INTS7: variants seen among roughly 807,000 people sequenced by gnomAD.
INTS7 encodes the protein integrator complex subunit 7, also known as chromosome 1 open reading frame 73.
Under a neutral mutation model 109.2 loss-of-function variants are expected in INTS7, and 46 were observed. That is an observed-to-expected ratio of 0.42 (90% CI 0.33 to 0.54). The LOEUF is 0.54. INTS7 is among the 20% of genes least tolerant of loss of function. The pLI, the probability that INTS7 is intolerant of heterozygous loss-of-function variation, is 0.07. For missense variants in INTS7, 929 were observed against 1,132.4 expected (o/e 0.82, Z 2.58); for synonymous variants, 412 against 402.9 (o/e 1.02, Z -0.27).
At chr1:211,992,341 T>G (rs1405319803) in intron 7 of INTS7, among the ~76,000 whole-genome samples, 1 of 152,104 alleles carries the variant, frequency 6.6e-6, no homozygotes, top group East Asian at 1.9e-4. Flanking sequence ...TATTAATAAT[T>G]TTAAATAAGA....
At chr1:212,006,790 C>A (rs1665933358) in intron 6 of INTS7, 29 bp from the exon 7 acceptor site, 1 of 1,552,528 alleles carries the variant, frequency 6.4e-7, no homozygotes, top group Non-Finnish European at 8.8e-7. Context: ...ACTCCATAAA[C>A]AATACTGTAA....
Position 211,968,677 on chromosome 1 carries a change from A to T in INTS7, c.1846T>A (p.Phe616Ile), listed in dbSNP as rs779237179. The T allele has an allele frequency of 3.1e-6, 5 of 1,613,312 alleles. No individual in the cohort carries two copies. In the East Asian group the frequency reaches 8.9e-5, roughly 29 times the overall value. The change falls in exon 14 of 20, where the codon TTT (phenylalanine) becomes ATT (isoleucine). Residue 616 changes from phenylalanine to isoleucine, a missense_variant. Around this residue, in one of 2 missense-constraint regions of INTS7, gnomAD observed 787 missense variants for 901.1 expected, o/e 0.87. Coordinates refer to ENST00000366994, the MANE Select transcript of INTS7 (RefSeq NM_015434.4). The part of the protein sequence containing the change: ...AASTPLNPLS[F>I]QCEFVKLRID... ...CTGAGTTTTACAAATTCACACTGAAAGCTTAAAGGATTCAGTGGTGTACTA... is the reference window on the plus strand; with the variant it reads ...CTGAGTTTTACAAATTCACACTGAATGCTTAAAGGATTCAGTGGTGTACTA...
intron 7 of INTS7, among the ~76,000 whole-genome samples, chr1:211,993,525 C>CA (rs557966325): frequency 0.02 from 3,028 of 151,780 alleles, 31 homozygotes; most frequent in African/African-American, 0.026. Context: ...ACTAAAAATA[C>CA]AAAAATTAGC....
Position 212,020,142 on chromosome 1 carries a change from C to T in INTS7, c.351G>A (p.Val117=). ...IFSVIHSNDP[V]ARAITLRMLG... ...TATACCGGAGGGTGATGGCTCTTGC[C>T]ACAGGATCATTACTATGAATCACAG... The change falls in exon 3 of 20, where the codon GTG becomes GTA. Residue 117 remains valine (V), a synonymous_variant. Transcript: ENST00000366994. 1 of 1,604,528 alleles carries T rather than the reference C, an allele frequency of 6.2e-7. No homozygotes were observed. The highest frequency in any genetic ancestry group is 8.5e-7 in the Non-Finnish European group (1 of 1,175,248).
chr1:211,970,920 A>C (rs1458858373), intron 13 of INTS7, among the ~76,000 whole-genome samples: 2 of 152,196 alleles, frequency 1.3e-5, no homozygotes, highest in Non-Finnish European at 2.9e-5. Flanking sequence ...CAATATCTCT[A>C]AACAGGAACA....
At chr1:211,986,949 AAACT>A (rs1371931086) in intron 8 of INTS7, among the ~76,000 whole-genome samples, 2 of 152,332 alleles carry the variant, frequency 1.3e-5, no homozygotes, top group Admixed American at 6.5e-5. Flanking sequence ...TCTTTAATTC[AAACT>A]AACTGACTAC....
At chr1:212,000,867 G>C (rs866918355) in intron 7 of INTS7, among the ~76,000 whole-genome samples, 1 of 152,022 alleles carries the variant, frequency 6.6e-6, no homozygotes, top group African/African-American at 2.4e-5. Flanking sequence ...ATGTGAACTA[G>C]AGAAAGCCTA....
chr1:212,016,612 C>T (rs1180778446), intron 4 of INTS7, among the ~76,000 whole-genome samples: 3 of 152,186 alleles, frequency 2.0e-5, no homozygotes, highest in Non-Finnish European at 4.4e-5. Flanking sequence ...CTTCTGCTAC[C>T]CAATGAAGCC....
At position 212,006,665 on chromosome 1, in the gene INTS7, G is replaced by T; in HGVS notation, c.853C>A (p.His285Asn). Residue 285 changes from histidine (H) to asparagine (N), a missense_variant, in exon 7 of 20, where the codon CAT (histidine) becomes AAT (asparagine). Coordinates refer to ENST00000366994, the MANE Select transcript of INTS7 (RefSeq NM_015434.4). ...DLKLLANKTP[H>N]TWSRENIQAL... is the part of the protein sequence containing the mutation. ...TGAATATTCTCCCTACTCCAAGTAT[G>T]TGGTGTTTTATTAGCAAGTAATTTC... 6.4e-7 allele frequency: 1 copy of T among 1,572,108 alleles called. No homozygotes were observed. The highest frequency in any genetic ancestry group is 8.7e-7 in the Non-Finnish European group (1 of 1,144,594).
chr1:211,988,472 G>A (rs1664999077), intron 7 of INTS7, among the ~76,000 whole-genome samples: 1 of 151,246 alleles, frequency 6.6e-6, no homozygotes, highest in South Asian at 2.1e-4. Context: ...AACTCTTTAG[G>A]GGAGCCTCAG....
At chr1:212,032,522 A>G (rs531382449) in intron 1 of INTS7, among the ~76,000 whole-genome samples, 2 of 150,756 alleles carry the variant, frequency 1.3e-5, no homozygotes, top group East Asian at 3.9e-4. Context: ...TGTTGCCCAG[A>G]CTGGAGTGCA....
chr1:211,976,943 T>A (rs754113565), intron 11 of INTS7, among the ~76,000 whole-genome samples: 1 of 152,132 alleles, frequency 6.6e-6, no homozygotes, highest in Non-Finnish European at 1.5e-5. Flanking sequence ...ACCCATAATA[T>A]GAATAAATTA....
chr1:212,014,713 T>A lies in INTS7; in HGVS notation c.509+2173A>T, dbSNP rs535008854. On this transcript the variant is annotated intron_variant, in intron 4 of 19. Transcript: ENST00000366994. ...GGTGCGCCGCCACGCCTGACTGGTT[T>A]TTGTATTTTTTGGTGGAGACGGGGT... 3.0e-5 allele frequency among the ~76,000 whole-genome samples: 4 copies of A among 132,028 alleles called. No individual in the cohort carries two copies. The South Asian group carries it at 1.0e-3, about 34-fold the overall frequency. 86.6% of individuals were successfully genotyped at this position (132,028 alleles called of 152,430 possible).
chr1:211,994,748 T>G (rs539128253), intron 7 of INTS7, among the ~76,000 whole-genome samples: 1 of 145,612 alleles, frequency 6.9e-6, no homozygotes, highest in African/African-American at 2.5e-5. Context: ...AAATTCTTCA[T>G]GAAGAAACAA....
chr1:212,001,029 C>CATATCATT (rs1665644085), intron 7 of INTS7, among the ~76,000 whole-genome samples: 1 of 150,590 alleles, frequency 6.6e-6, no homozygotes, highest in Non-Finnish European at 1.5e-5. Context: ...TTAGCAATAC[C>CATATCATT]ATATCATTTC....
At chr1:211,963,100 G>C (rs115430470) in intron 16 of INTS7, among the ~76,000 whole-genome samples, 1 of 151,984 alleles carries the variant, frequency 6.6e-6, no homozygotes, top group South Asian at 2.1e-4. Flanking sequence ...AAAAAAATTA[G>C]TATCTATTTG....
chr1:211,968,111 TCATTC>T (rs1663991116), intron 14 of INTS7, 130 bp from the exon 15 acceptor site: 1 of 537,940 alleles, frequency 1.9e-6, no homozygotes. Context: ...CTTTTCACTG[TCATTC>T]CATTCATTTT....
Position 211,946,298 on chromosome 1 carries a change from C to G in INTS7, c.2415+309G>C, listed in dbSNP as rs969452266. Among the ~76,000 whole-genome samples, 1 of 152,084 alleles carries G rather than the reference C, an allele frequency of 6.6e-6. No individual in the cohort carries two copies. Among genetic ancestry groups the G allele is most frequent in the Non-Finnish European group, 1.5e-5 (1 of 68,014 alleles). ...AGGAGTTCCTGACCAGCCTAGCCAA[C>G]ATGGTGAAACCCCATCTTTACCAAA... On this transcript the variant is annotated intron_variant, in intron 18 of 19. Coordinates refer to ENST00000366994, the MANE Select transcript of INTS7 (RefSeq NM_015434.4). The surrounding 1 kb of genome is among the most constrained non-coding windows in gnomAD (Gnocchi z 4.3).
In INTS7 at chr1:211,959,504, A is replaced by C. The variant is rs572000797; in HGVS notation, c.2184-6803T>G. The stretch of plus-strand genomic sequence containing the variant: ...GCCGGCTCACCTGCTCCCTCCCCGT[A>C]CTGGCAGCTTTCCCTGGGCCCATGG... On this transcript the variant is annotated intron_variant, in intron 16 of 19. Transcript: ENST00000366994. The surrounding 1 kb of genome is among the most constrained non-coding windows in gnomAD (Gnocchi z 4.2). Among the ~76,000 whole-genome samples the C allele has an allele frequency of 9.2e-5, 14 of 152,112 alleles. No homozygotes were observed. The East Asian group carries it at 2.7e-3, about 29-fold the overall frequency.
Sources: allele counts gnomAD v4.1 joint callset (sites outside exome capture counted in the v4.1 genomes callset), GRCh38; gene constraint gnomAD v4.1.1; regional missense constraint gnomAD v4.1.1; non-coding constraint Gnocchi (gnomAD v3.1); transcripts MANE v1.5; gene names NCBI Gene and HGNC (gene_info 2026-07-23, HGNC 2026-07-21).